The following AGAP6 variants were observed in gnomAD, a reference collection of about 807,000 sequenced individuals.
AGAP6 encodes the protein arf-GAP with GTPase, ANK repeat and PH domain-containing protein 6.
AGAP6 carries 29 observed loss-of-function variants against 63.9 expected under a neutral mutation model. The ratio of observed to expected loss-of-function variants is 0.45; its 90% CI spans 0.34 to 0.62. The LOEUF (loss-of-function observed/expected upper bound fraction) is 0.62, where lower values mean the gene tolerates loss of function less well. Ranked by LOEUF, AGAP6 falls within the 20% of genes least tolerant of loss-of-function variation. The probability of loss-of-function intolerance (pLI) is 0.01; values close to 1 mark genes in which losing one functional copy is unlikely to be tolerated. For synonymous variants in AGAP6, 199 were observed against 332.9 expected, an observed-to-expected ratio of 0.60 and a Z score of 4.38; for missense variants, 493 against 884.9, an observed-to-expected ratio of 0.56 and a Z score of 5.62.
intron 6 of AGAP6, among the ~76,000 whole-genome samples, chr10:50,006,736 C>G (rs201166475): frequency 0.058 from 6,315 of 107,972 alleles, no homozygotes; most frequent in Non-Finnish European, 0.082. Context: ...TTTTTCAGTT[C>G]ACAGTTAAAT....
chr10:50,004,639 A>G (rs2132154124), intron 5 of AGAP6, 46 bp from the exon 6 acceptor site: 1 of 1,020,606 alleles, frequency 9.8e-7, no homozygotes, highest in Non-Finnish European at 1.4e-6. Context: ...CTTCAGGCCT[A>G]ACAAATGATA....
intron 5 of AGAP6, among the ~76,000 whole-genome samples, chr10:50,004,278 C>G (rs1841821512): frequency 6.8e-6 from 1 of 145,996 alleles, no homozygotes; most frequent in African/African-American, 2.5e-5. Context: ...ATCGCTTGAA[C>G]CTGGGTGGTG....
At chr10:49,998,846 G>A (rs1841591995) in intron 4 of AGAP6, among the ~76,000 whole-genome samples, 1 of 138,888 alleles carries the variant, frequency 7.2e-6, no homozygotes, top group African/African-American at 2.8e-5. Flanking sequence ...CCATTCATGA[G>A]CATGGGGTGT....
chr10:50,008,056 G>C lies in AGAP6; in HGVS notation c.565G>C (p.Glu189Gln), dbSNP rs782478488. 1.2e-6 allele frequency: 2 copies of C among 1,611,946 alleles called. No individual in the cohort carries two copies. Among genetic ancestry groups the C allele is most frequent in the Non-Finnish European group, 1.7e-6 (2 of 1,179,850 alleles). Residue 189 changes from glutamate to glutamine, a missense_variant, in exon 7 of 8, where the codon GAA becomes CAA. Physicochemically the swap from Glu to Gln is conservative, Grantham distance 29. Transcript: ENST00000412531. Reference sequence around the variant, plus strand: ...AGATAGAACTTTGAGCATACCTGATGAACAGTTACACTCATTTGCGGTAAG... The same window carrying C: ...AGATAGAACTTTGAGCATACCTGATCAACAGTTACACTCATTTGCGGTAAG... ...DADRTLSIPD[E>Q]QLHSFAVSTV...
Position 49,989,186 on chromosome 10 carries a change from C to T in AGAP6, c.224-122C>T, listed in dbSNP as rs577328829. The T allele has an allele frequency of 1.1e-5, 17 of 1,487,490 alleles. No individual in the cohort carries two copies. The East Asian group carries it at 4.1e-4, about 36-fold the overall frequency. The allele number at this position is 1,487,490 out of a possible 1,614,324, so 92.1% of individuals were successfully genotyped here. On this transcript the variant is annotated intron_variant, in intron 1 of 7. Transcript: ENST00000412531. ...AGTTCTTGCTCTCTCATCTCATTCT[C>T]CCAGGCTGGCATGGGACCATTTATT...
intron 4 of AGAP6, among the ~76,000 whole-genome samples, chr10:49,998,011 T>C (rs1841561743): frequency 7.3e-6 from 1 of 137,490 alleles, no homozygotes; most frequent in African/African-American, 2.8e-5. Context: ...TATATATATA[T>C]ATATGTATGT....
intron 6 of AGAP6, among the ~76,000 whole-genome samples, chr10:50,005,690 G>T (rs1841889751): frequency 6.6e-6 from 1 of 151,670 alleles, no homozygotes; most frequent in Non-Finnish European, 1.5e-5. Context: ...GGAGGCCGAG[G>T]TGGGTGGATC....
chr10:49,992,289 A>G (rs1348082899), intron 3 of AGAP6, among the ~76,000 whole-genome samples: 3 of 152,124 alleles, frequency 2.0e-5, no homozygotes, highest in African/African-American at 4.8e-5. Context: ...ATTTGATGTA[A>G]TGTAAATTTA....
chr10:50,006,075 A>AT (rs1164126354), intron 6 of AGAP6, among the ~76,000 whole-genome samples: 1 of 151,820 alleles, frequency 6.6e-6, no homozygotes, highest in Non-Finnish European at 1.5e-5. Flanking sequence ...TTACGGTGGC[A>AT]TTTTACATAT....
chr10:49,990,290 C>G (rs1440288316), intron 2 of AGAP6, among the ~76,000 whole-genome samples: 2 of 151,808 alleles, frequency 1.3e-5, no homozygotes, highest in African/African-American at 4.8e-5. Flanking sequence ...AAAAAAAATA[C>G]AAAAATTAGC....
chr10:49,997,327 C>G (rs1841528366), intron 4 of AGAP6, among the ~76,000 whole-genome samples: 1 of 152,148 alleles, frequency 6.6e-6, no homozygotes, highest in Non-Finnish European at 1.5e-5. Flanking sequence ...GAGCTCATGT[C>G]TACAAAAAGG....
intron 3 of AGAP6, among the ~76,000 whole-genome samples, chr10:49,992,858 T>G (rs1841335769): frequency 6.6e-6 from 1 of 151,944 alleles, no homozygotes; most frequent in African/African-American, 2.4e-5. Flanking sequence ...ATCTCCCAGG[T>G]TCAAGCAATT....
intron 3 of AGAP6, 136 bp from the exon 4 acceptor site, chr10:49,994,259 T>A: frequency 9.7e-7 from 1 of 1,030,632 alleles, no homozygotes; most frequent in Non-Finnish European, 1.3e-6. Context: ...TAATTTAAAT[T>A]ATAAATTATT....
chr10:49,999,699 C>G (rs1841625976), intron 4 of AGAP6, among the ~76,000 whole-genome samples: 1 of 129,416 alleles, frequency 7.7e-6, no homozygotes, highest in Non-Finnish European at 1.6e-5. Flanking sequence ...ATGATATGAT[C>G]ATATACCTAG....
At chr10:49,996,354 G>C (rs1841486410) in intron 4 of AGAP6, among the ~76,000 whole-genome samples, 1 of 152,012 alleles carries the variant, frequency 6.6e-6, no homozygotes, top group African/African-American at 2.4e-5. Flanking sequence ...TCCCTGGCCT[G>C]CTTTATTTGG....
chr10:50,005,374 G>T (rs1841877927), intron 6 of AGAP6, among the ~76,000 whole-genome samples: 1 of 152,202 alleles, frequency 6.6e-6, no homozygotes, highest in African/African-American at 2.4e-5. Flanking sequence ...CACTTTGGGA[G>T]GCTGAGGCAG....
chr10:50,004,089 G>A (rs1320712353), intron 5 of AGAP6, among the ~76,000 whole-genome samples: 38 of 152,062 alleles, frequency 2.5e-4, no homozygotes, highest in African/African-American at 9.2e-4. Flanking sequence ...GGAGGCTGAG[G>A]CAGGAGAATC....
At chr10:50,008,487 T>C (rs1297262057) in intron 7 of AGAP6, 1 of 587,486 alleles carries the variant, frequency 1.7e-6, no homozygotes, top group African/African-American at 2.0e-5. Flanking sequence ...TTTTCTTTTT[T>C]TTTTTTGTAA....
chr10:49,990,276 TA>T (rs1159258624), intron 2 of AGAP6, among the ~76,000 whole-genome samples: 49 of 147,548 alleles, frequency 3.3e-4, no homozygotes, highest in East Asian at 9.8e-4. Flanking sequence ...CTGTCTCTAC[TA>T]AAAAAAAAAA....
Sources: allele counts gnomAD v4.1 joint callset (sites outside exome capture counted in the v4.1 genomes callset), GRCh38; gene constraint gnomAD v4.1.1; transcripts MANE v1.5; gene names NCBI Gene and HGNC (gene_info 2026-07-23, HGNC 2026-07-21).